The following PWWP3A variants were observed in gnomAD, a reference collection of about 807,000 sequenced individuals.
PWWP3A encodes PWWP domain-containing DNA repair factor 3A.
A neutral mutation model predicts 79.0 loss-of-function variants in PWWP3A; 53 were observed. The ratio of observed to expected loss-of-function variants is 0.67; its 90% CI spans 0.54 to 0.84. The LOEUF is 0.84. PWWP3A is among the 40% of genes least tolerant of loss of function. PWWP3A has a pLI of 0.00. For missense variants in PWWP3A, 973 were observed against 948.0 expected, an observed-to-expected ratio of 1.03 and a Z score of -0.35; for synonymous variants, 443 against 394.4, an observed-to-expected ratio of 1.12 and a Z score of -1.46.
intron 6 of PWWP3A, among the ~76,000 whole-genome samples, chr19:1,362,707 C>T (rs1387814080): frequency 1.3e-5 from 2 of 152,228 alleles, no homozygotes; most frequent in Non-Finnish European, 2.9e-5. Flanking sequence ...GGTGTGGCCA[C>T]GTACTGTCTC....
chr19:1,365,647 C>T (rs1390739188), intron 7 of PWWP3A, among the ~76,000 whole-genome samples: 4 of 152,250 alleles, frequency 2.6e-5, no homozygotes, highest in African/African-American at 9.6e-5. Context: ...TCTGGACCCT[C>T]CGCCCTCCCT....
At chr19:1,357,155 C>T (rs2081891567) in intron 3 of PWWP3A, 61 bp downstream of exon 3, 2 of 1,277,344 alleles carry the variant, frequency 1.6e-6, no homozygotes, top group Non-Finnish European at 2.2e-6. Context: ...TACTTCAATC[C>T]CCTACTCCCC....
rs777686597 is a variant in PWWP3A, at chr19:1,373,036, G to A, written c.1987-36G>A. The A allele has an allele frequency of 8.7e-6, 14 of 1,602,920 alleles. No individual in the cohort carries two copies. The East Asian group carries it at 2.7e-4, about 31-fold the overall frequency. ...CAGGCCACTTGGGGCCAGTTGGGCA[G>A]TGCCTGCTGCTATTGAGCCCCGTGC... is the stretch of plus-strand genomic sequence containing the variant. On this transcript the variant is annotated intron_variant, in intron 12 of 13. Transcript: ENST00000591337.
In PWWP3A at chr19:1,360,142, A is replaced by G; in HGVS notation, c.221A>G (p.Gln74Arg). 1.3e-6 allele frequency: 2 copies of G among 1,555,558 alleles called. No individual in the cohort carries two copies. The highest frequency in any genetic ancestry group is 2.3e-5 in the East Asian group (1 of 44,390). Residue 74 changes from glutamine to arginine, a missense_variant, in exon 5 of 14, where the codon CAG becomes CGG. Transcript: ENST00000591337. The surrounding 1 kb of genome is among the most constrained non-coding windows in gnomAD (Gnocchi z 4.4). ...IEAIASSLAS[Q>R]NEVPAAPLEE... ...GTATGTTCGGTCCTTGCAGCCTCAC[A>G]GAATGAGGTTCCTGCGGCACCCCTG...
In PWWP3A at chr19:1,362,253, G is replaced by A. The variant is rs774232238; in HGVS notation, c.1115G>A (p.Cys372Tyr). The change falls in exon 6 of 14, where the codon TGC (cysteine) becomes TAC (tyrosine). Residue 372 changes from cysteine to tyrosine, a missense_variant. Physicochemically the swap from Cys to Tyr is radical, Grantham distance 194 (BLOSUM62 -2). Coordinates refer to ENST00000591337, the MANE Select transcript of PWWP3A (RefSeq NM_001369789.1). ...CPDSQKLEKE[C>Y]QSSEESMGSN... ...TCTAATATCACATTATTGGCAGAGT[G>A]CCAGTCTTCCGAAGAGTCCATGGGG... 6.2e-7 allele frequency: 1 copy of A among 1,610,296 alleles called. No individual in the cohort carries two copies. The highest frequency in any genetic ancestry group is 8.5e-7 in the Non-Finnish European group (1 of 1,178,578).
At chr19:1,359,131 AC>A (rs2144699687) in intron 4 of PWWP3A, 1 of 174,386 alleles carries the variant, frequency 5.7e-6, no homozygotes, top group Admixed American at 5.5e-5. Context: ...CACATACATG[AC>A]AAGTGAGGAG....
chr19:1,362,163 A>G (rs2082031295), intron 5 of PWWP3A, 87 bp from the exon 6 acceptor site: 2 of 1,106,768 alleles, frequency 1.8e-6, no homozygotes, highest in Non-Finnish European at 1.3e-6. Context: ...TTATGCATCG[A>G]TGGTCATGTG....
In PWWP3A at chr19:1,378,157, C is replaced by G. The variant is rs2082438607; in HGVS notation, c.*1581C>G. ...CAGGGCTGTCGGCCTTGGCCCCCTG[C>G]TGGTCGCTGTTTCGGGGACTCGGGG... On this transcript the variant is annotated 3_prime_UTR_variant, in exon 14 of 14. Coordinates refer to ENST00000591337, the MANE Select transcript of PWWP3A (RefSeq NM_001369789.1). 1.3e-5 allele frequency: 2 copies of G among 152,320 alleles called. No individual in the cohort carries two copies. Among genetic ancestry groups the G allele is most frequent in the Admixed American group, 1.3e-4 (2 of 15,290 alleles). 9.4% of individuals were successfully genotyped at this position (152,320 alleles called of 1,614,324 possible). A position where few individuals can be genotyped will look rare whatever the true frequency, so the allele number is the denominator to read the frequency against.
At chr19:1,355,661 T>A (rs2081841375) in intron 1 of PWWP3A, among the ~76,000 whole-genome samples, 1 of 148,788 alleles carries the variant, frequency 6.7e-6, no homozygotes, top group Non-Finnish European at 1.5e-5. Flanking sequence ...ATCTTGTCCC[T>A]GCTGCCTGGA....
At position 1,357,162 on chromosome 19, in the gene PWWP3A, C is replaced by T. The variant is rs1053237031; in HGVS notation, c.143+68C>T. 7 of 1,221,090 alleles carry T rather than the reference C, an allele frequency of 5.7e-6. No homozygotes were observed. The African/African-American group carries it at 1.1e-4, about 19-fold the overall frequency. The allele number at this position is 1,221,090 out of a possible 1,614,324, so 75.6% of individuals were successfully genotyped here. The stretch of plus-strand genomic sequence containing the variant: ...ATTTCTGATACTTCAATCCCCTACT[C>T]CCCCAAAACAGTTGAAGCCCAGCCC... On this transcript the variant is annotated intron_variant, in intron 3 of 13. Coordinates refer to ENST00000591337, the MANE Select transcript of PWWP3A (RefSeq NM_001369789.1).
At chr19:1,375,071 A>G (rs996340102) in intron 13 of PWWP3A, among the ~76,000 whole-genome samples, 2 of 151,680 alleles carry the variant, frequency 1.3e-5, no homozygotes, top group East Asian at 3.9e-4. Context: ...AAAAAAAAAA[A>G]AACCAAGCAT....
intron 12 of PWWP3A, 35 bp downstream of exon 12, chr19:1,371,113 A>G (rs1178720338): frequency 5.2e-6 from 8 of 1,539,468 alleles, no homozygotes; most frequent in Admixed American, 4.0e-5. Flanking sequence ...GTGGGCAGGG[A>G]GGGGCCTGCG....
rs551569826 is a variant in PWWP3A, at chr19:1,362,405, G to A, written c.1213+54G>A. The A allele has an allele frequency of 1.3e-3, 1,919 of 1,430,938 alleles. 5 individuals carry two copies. The highest frequency in any genetic ancestry group is 1.3e-3 in the Non-Finnish European group (1,331 of 1,031,450). The allele number at this position is 1,430,938 out of a possible 1,614,324, so 88.6% of individuals were successfully genotyped here. On this transcript the variant is annotated intron_variant, in intron 6 of 13. Transcript: ENST00000591337. Reference sequence around the variant, plus strand: ...TCCTAACGGTGCGCTCAGAGGCAGCGGCGGCGGGGCTCCGAGACCGGGCCC... The same window carrying A: ...TCCTAACGGTGCGCTCAGAGGCAGCAGCGGCGGGGCTCCGAGACCGGGCCC...
chr19:1,360,462 A>T lies in PWWP3A; in HGVS notation c.541A>T (p.Arg181Trp). 6 of 1,614,214 alleles carry T rather than the reference A, an allele frequency of 3.7e-6. No homozygotes were observed. Among genetic ancestry groups the T allele is most frequent in the Non-Finnish European group, 5.1e-6 (6 of 1,180,044 alleles). Residue 181 changes from arginine (R) to tryptophan (W), a missense_variant, in exon 5 of 14, where the codon AGG becomes TGG. Arg to Trp is a moderately radical substitution (Grantham distance 101). Transcript: ENST00000591337. This position sits in a 1 kb window ranked among gnomAD's most constrained non-coding sequence, Gnocchi z 4.4. ...ECKVDHKKGL[R>W]KSENPRGPLV... Reference sequence around the variant, plus strand: ...CAAAGTGGACCACAAGAAGGGGCTCAGGAAAAGTGAAAACCCAAGAGGCCC... The same window carrying T: ...CAAAGTGGACCACAAGAAGGGGCTCTGGAAAAGTGAAAACCCAAGAGGCCC...
rs965574980 is a variant in PWWP3A, at chr19:1,376,736, T to G, written c.*160T>G. 3 of 549,794 alleles carry G rather than the reference T, an allele frequency of 5.5e-6. No individual in the cohort carries two copies. The highest frequency in any genetic ancestry group is 9.6e-6 in the Non-Finnish European group (3 of 313,582). 34.1% of individuals were successfully genotyped at this position (549,794 alleles called of 1,614,324 possible). A position where few individuals can be genotyped will look rare whatever the true frequency, so the allele number is the denominator to read the frequency against. ...TCCTGATTTCCATGCTTCTGGAGAA[T>G]CCATTTCGTTAACACTGAAAGCCAG... is the stretch of plus-strand genomic sequence containing the variant. On this transcript the variant is annotated 3_prime_UTR_variant, in exon 14 of 14. Coordinates refer to ENST00000591337, the MANE Select transcript of PWWP3A (RefSeq NM_001369789.1).
Position 1,357,090 on chromosome 19 carries a change from G to A in PWWP3A, c.139G>A (p.Glu47Lys). ...AGCTGTGCAAATCCTCTCTCTAGAG[G>A]AAAAGTTAAGTGTTGTGTTGTTTTA... ...FLAVQILSLEEKIKVKSTEVE... is the reference protein window; with the variant it reads ...FLAVQILSLEKKIKVKSTEVE... The change falls in exon 3 of 14, where the codon GAA becomes AAA. Residue 47 changes from glutamate (E) to lysine (K), a missense_variant. Glu to Lys is a moderately conservative substitution (Grantham distance 56). Coordinates refer to ENST00000591337, the MANE Select transcript of PWWP3A (RefSeq NM_001369789.1). The A allele has an allele frequency of 1.9e-6, 3 of 1,604,856 alleles. No individual in the cohort carries two copies. Among genetic ancestry groups the A allele is most frequent in the Non-Finnish European group, 2.6e-6 (3 of 1,174,898 alleles).
At position 1,370,768 on chromosome 19, in the gene PWWP3A, T is replaced by C. The variant is rs1243577328; in HGVS notation, c.1676T>C (p.Met559Thr). Reference protein sequence around the residue: ...PLGQRQPCRKMLPDRSRAARD... With the variant: ...PLGQRQPCRKTLPDRSRAARD... ...GGGCAGAGGCAGCCCTGCCGGAAAA[T>C]GCTCCCCGACCGCTCGCGGGCCGCC... is the stretch of plus-strand genomic sequence containing the variant. The change falls in exon 12 of 14, where the codon ATG (methionine) becomes ACG (threonine). Residue 559 changes from methionine (M) to threonine (T), a missense_variant. Met to Thr is a moderately conservative substitution (Grantham distance 81). Coordinates refer to ENST00000591337, the MANE Select transcript of PWWP3A (RefSeq NM_001369789.1). 2 of 1,514,130 alleles carry C rather than the reference T, an allele frequency of 1.3e-6. No individual in the cohort carries two copies. The highest frequency in any genetic ancestry group is 1.8e-6 in the Non-Finnish European group (2 of 1,126,932). The allele number at this position is 1,514,130 out of a possible 1,614,324, so 93.8% of individuals were successfully genotyped here. A position where few individuals can be genotyped will look rare whatever the true frequency, so the allele number is the denominator to read the frequency against.
At chr19:1,356,886 A>C in intron 2 of PWWP3A, 123 bp from the exon 3 acceptor site, 1 of 727,620 alleles carries the variant, frequency 1.4e-6, no homozygotes, top group Non-Finnish European at 2.3e-6. Context: ...GATTGGACCA[A>C]ATATCTGAAA....
At chr19:1,372,473 T>C (rs1302908289) in intron 12 of PWWP3A, 1 of 152,068 alleles carries the variant, frequency 6.6e-6, no homozygotes, top group African/African-American at 2.4e-5. Context: ...AACAATAAAC[T>C]TAAGGCCGGG....
Sources: allele counts gnomAD v4.1 joint callset (sites outside exome capture counted in the v4.1 genomes callset), GRCh38; gene constraint gnomAD v4.1.1; non-coding constraint Gnocchi (gnomAD v3.1); transcripts MANE v1.5; gene names NCBI Gene and HGNC (gene_info 2026-07-23, HGNC 2026-07-21).